The following ABCC2 variants were observed in gnomAD, a reference collection of about 807,000 sequenced individuals.
ABCC2 encodes ATP binding cassette subfamily C member 2.
Under a neutral mutation model 173.4 loss-of-function variants are expected in ABCC2, and 157 were observed. The observed-to-expected ratio is 0.91, with a 90% confidence interval of 0.80 to 1.03. ABCC2 has a LOEUF of 1.03. Ranked by LOEUF, ABCC2 falls within the 50% of genes least tolerant of loss-of-function variation. The probability of loss-of-function intolerance (pLI) is 0.00; values close to 1 mark genes in which losing one functional copy is unlikely to be tolerated. For synonymous variants in ABCC2, 657 were observed against 693.5 expected, an observed-to-expected ratio of 0.95 and a Z score of 0.83; for missense variants, 1,822 against 1,852.3, an observed-to-expected ratio of 0.98 and a Z score of 0.30.
chr10:99,814,204 T>C (rs1475549779), intron 16 of ABCC2, among the ~76,000 whole-genome samples: 7 of 73,468 alleles, frequency 9.5e-5, no homozygotes, highest in South Asian at 9.2e-4. Flanking sequence ...TGTGTATATA[T>C]ACACACATGT....
Position 99,793,567 on chromosome 10 carries a change from T to C in ABCC2, c.350T>C (p.Ile117Thr), listed in dbSNP as rs2037843420. 2 of 1,614,012 alleles carry C rather than the reference T, an allele frequency of 1.2e-6. No individual in the cohort carries two copies. Among genetic ancestry groups the C allele is most frequent in the African/African-American group, 2.7e-5 (2 of 74,912 alleles). Residue 117 changes from isoleucine to threonine, a missense_variant, in exon 4 of 32, where the codon ATC (isoleucine) becomes ACC (threonine). Coordinates refer to ENST00000647814, the MANE Select transcript of ABCC2 (RefSeq NM_000392.5). ...TCTCTCCAGCTCCTGGTTTTGCTGA[T>C]CCAATACAGCAGACAATGGTGTGTA... Reference protein sequence around the residue: ...YLGTWLLVLLIQYSRQWCVQK... With the variant: ...YLGTWLLVLLTQYSRQWCVQK...
At chr10:99,794,749 T>C (rs2037870025) in intron 6 of ABCC2, 1 of 365,890 alleles carries the variant, frequency 2.7e-6, no homozygotes, top group Non-Finnish European at 5.1e-6. Flanking sequence ...TTCACCATGT[T>C]GGCCAAGCTG....
intron 2 of ABCC2, among the ~76,000 whole-genome samples, chr10:99,788,225 G>A (rs1370862536): frequency 6.6e-6 from 1 of 152,098 alleles, no homozygotes; most frequent in Non-Finnish European, 1.5e-5. Flanking sequence ...TCACACAAAT[G>A]CTAGCGTCCC....
intron 16 of ABCC2, among the ~76,000 whole-genome samples, chr10:99,814,255 ATACACACGTATG>A (rs1564684070): frequency 1.4e-5 from 1 of 69,960 alleles, no homozygotes; most frequent in Non-Finnish European, 2.9e-5. Flanking sequence ...ACACGTATGT[ATACACACGTATG>A]TATACACACG....
intron 14 of ABCC2, 148 bp from the exon 15 acceptor site, chr10:99,811,388 G>A (rs914410695): frequency 2.6e-6 from 2 of 779,760 alleles, no homozygotes; most frequent in Non-Finnish European, 4.4e-6. Flanking sequence ...CTCATTCTAG[G>A]AGATTTCATT....
intron 19 of ABCC2, 66 bp from the exon 20 acceptor site, chr10:99,830,241 T>C (rs2038714157): frequency 1.2e-6 from 2 of 1,608,294 alleles, no homozygotes; most frequent in African/African-American, 2.7e-5. Context: ...GGCTTCTCTC[T>C]CCTTGTTCAT....
chr10:99,834,294 A>T, intron 23 of ABCC2, 86 bp from the exon 24 acceptor site: 2 of 1,394,258 alleles, frequency 1.4e-6, no homozygotes, highest in South Asian at 2.4e-5. Context: ...CACAGAATCC[A>T]ACAGATTCCT....
chr10:99,845,699 G>C lies in ABCC2; in HGVS notation c.4063G>C (p.Gly1355Arg). 2 of 1,613,998 alleles carry C rather than the reference G, an allele frequency of 1.2e-6. No individual in the cohort carries two copies. The highest frequency in any genetic ancestry group is 1.7e-6 in the Non-Finnish European group (2 of 1,179,998). ...NCLFRILEAA[G>R]GQIIIDGVDI... ...CCTCTTCAGAATCTTAGAGGCTGCC[G>C]GTGGTCAGATTATCATTGATGGAGT... Residue 1355 changes from glycine (G) to arginine (R), a missense_variant, in exon 29 of 32, where the codon GGT (glycine) becomes CGT (arginine). By Grantham distance (125) the Gly-to-Arg change is moderately radical. Coordinates refer to ENST00000647814, the MANE Select transcript of ABCC2 (RefSeq NM_000392.5).
chr10:99,814,253 G>A (rs1164115733), intron 16 of ABCC2, among the ~76,000 whole-genome samples: 753 of 43,958 alleles, frequency 0.017, 158 homozygotes, highest in African/African-American at 0.065. Flanking sequence ...ACACACGTAT[G>A]TATACACACG....
chr10:99,797,607 T>G (rs1452181387), intron 7 of ABCC2: 3 of 412,878 alleles, frequency 7.3e-6, no homozygotes, highest in Admixed American at 3.7e-5. Context: ...ATTTTGCACC[T>G]TGGTACAAAT....
At position 99,783,016 on chromosome 10, in the gene ABCC2, C is replaced by T. The variant is rs1253746846; in HGVS notation, c.33+139C>T. 3.9e-6 allele frequency: 3 copies of T among 761,518 alleles called. No homozygotes were observed. In the Admixed American group the frequency reaches 6.2e-5, roughly 16 times the overall value. 47.2% of individuals were successfully genotyped at this position (761,518 alleles called of 1,614,324 possible). A position where few individuals can be genotyped will look rare whatever the true frequency, so the allele number is the denominator to read the frequency against. Reference sequence around the variant, plus strand: ...TCTAAAGCTCAGGCTTTTTAGAAAGCATAATTCATAATATCTCCAGAGGAT... The same window carrying T: ...TCTAAAGCTCAGGCTTTTTAGAAAGTATAATTCATAATATCTCCAGAGGAT... On this transcript the variant is annotated intron_variant, in intron 1 of 31. Coordinates refer to ENST00000647814, the MANE Select transcript of ABCC2 (RefSeq NM_000392.5).
At position 99,807,499 on chromosome 10, in the gene ABCC2, T is replaced by C; in HGVS notation, c.1646T>C (p.Val549Ala). The C allele has an allele frequency of 1.2e-6, 2 of 1,614,126 alleles. No homozygotes were observed. The highest frequency in any genetic ancestry group is 1.7e-6 in the Non-Finnish European group (2 of 1,179,986). The change falls in exon 12 of 32, where the codon GTC (valine) becomes GCC (alanine). Residue 549 changes from valine to alanine, a missense_variant. Val to Ala is a moderately conservative substitution (Grantham distance 64). Coordinates refer to ENST00000647814, the MANE Select transcript of ABCC2 (RefSeq NM_000392.5). ...FSQLQCVVIF[V>A]FQLTPVLVSV... ...CAACTACAGTGTGTAGTAATATTCG[T>C]CTTCCAGTTAACTCCAGTCCTGGTG... is the stretch of plus-strand genomic sequence containing the variant.
At chr10:99,795,734 AGAAG>A (rs1404788810) in intron 6 of ABCC2, among the ~76,000 whole-genome samples, 46 of 136,114 alleles carry the variant, frequency 3.4e-4, no homozygotes, top group Non-Finnish European at 5.5e-4. Flanking sequence ...AAAGAAAGAA[AGAAG>A]GAAAGAAAGA....
Position 99,810,113 on chromosome 10 carries a change from A to G in ABCC2, c.1816-21A>G, listed in dbSNP as rs753733075. ...CTCGTTACTGACTTTAATTCTTGAG[A>G]TCCTTTGTGTCCTTCTCTAGGCCAG... On this transcript the variant is annotated intron_variant, in intron 13 of 31. Coordinates refer to ENST00000647814, the MANE Select transcript of ABCC2 (RefSeq NM_000392.5). 6 of 1,608,492 alleles carry G rather than the reference A, an allele frequency of 3.7e-6. No individual in the cohort carries two copies. In the South Asian group the frequency reaches 5.5e-5, roughly 15 times the overall value.
At position 99,782,890 on chromosome 10, in the gene ABCC2, A is replaced by G. The variant is rs368321703; in HGVS notation, c.33+13A>G. 5.8e-5 allele frequency: 94 copies of G among 1,613,642 alleles called. No homozygotes were observed. The highest frequency in any genetic ancestry group is 5.1e-4 in the African/African-American group (38 of 75,052). Reference sequence around the variant, plus strand: ...CTCTACTTTTTGGGTGAGAAATTACATTTATCTTCATATTGACTCTTCTCA... The same window carrying G: ...CTCTACTTTTTGGGTGAGAAATTACGTTTATCTTCATATTGACTCTTCTCA... On this transcript the variant is annotated intron_variant, in intron 1 of 31. Coordinates refer to ENST00000647814, the MANE Select transcript of ABCC2 (RefSeq NM_000392.5).
At chr10:99,804,909 G>A (rs913555009) in intron 10 of ABCC2, among the ~76,000 whole-genome samples, 8 of 152,222 alleles carry the variant, frequency 5.3e-5, no homozygotes, top group African/African-American at 1.4e-4. Flanking sequence ...GTAGGGTGGT[G>A]GAGAGACAGG....
intron 11 of ABCC2, 34 bp from the exon 12 acceptor site, chr10:99,807,350 A>G: frequency 6.2e-7 from 1 of 1,614,034 alleles, no homozygotes. Context: ...TTCAGGGGCA[A>G]TCATGTGAGC....
chr10:99,819,989 A>G (rs2038504606), intron 19 of ABCC2, among the ~76,000 whole-genome samples: 1 of 152,232 alleles, frequency 6.6e-6, no homozygotes, highest in Non-Finnish European at 1.5e-5. Flanking sequence ...AAGCCAGGGC[A>G]GAAGGCTGTA....
intron 25 of ABCC2, among the ~76,000 whole-genome samples, chr10:99,837,137 CTTTTTT>C (rs34959207): frequency 1.9e-5 from 2 of 104,726 alleles, no homozygotes; most frequent in East Asian, 2.7e-4. Flanking sequence ...TGAGAAAGTC[CTTTTTT>C]TTTTTTTTTT....
Sources: allele counts gnomAD v4.1 joint callset (sites outside exome capture counted in the v4.1 genomes callset), GRCh38; gene constraint gnomAD v4.1.1; transcripts MANE v1.5; gene names NCBI Gene and HGNC (gene_info 2026-07-23, HGNC 2026-07-21).